The following MAP3K7 variants were observed in gnomAD, a reference collection of about 807,000 sequenced individuals.
MAP3K7 encodes the protein TGF-beta activated kinase 1.
MAP3K7 carries 21 observed loss-of-function variants against 84.8 expected under a neutral mutation model. That is an observed-to-expected ratio of 0.25 (90% CI 0.18 to 0.36). The LOEUF (loss-of-function observed/expected upper bound fraction) is 0.36, where lower values mean the gene tolerates loss of function less well. MAP3K7 is among the 10% of genes least tolerant of loss of function. The pLI is 1.00. For missense variants in MAP3K7, 503 were observed against 747.7 expected, an observed-to-expected ratio of 0.67 and a Z score of 3.82; for synonymous variants, 241 against 247.7, an observed-to-expected ratio of 0.97 and a Z score of 0.25.
intron 1 of MAP3K7, among the ~76,000 whole-genome samples, chr6:90,580,966 A>C (rs534557203): frequency 6.6e-6 from 1 of 152,326 alleles, no homozygotes; most frequent in Middle Eastern, 3.4e-3. Flanking sequence ...GTCTCATACA[A>C]TTAAGTAGAT....
At chr6:90,533,567 C>G (rs551626531) in intron 13 of MAP3K7, among the ~76,000 whole-genome samples, 2 of 152,290 alleles carry the variant, frequency 1.3e-5, no homozygotes, top group Admixed American at 1.3e-4. Flanking sequence ...GGTAAAGAAG[C>G]AGCAGTCACT....
intron 6 of MAP3K7, among the ~76,000 whole-genome samples, chr6:90,556,151 A>G (rs953317147): frequency 6.6e-6 from 1 of 152,264 alleles, no homozygotes; most frequent in Non-Finnish European, 1.5e-5. Context: ...TGCTCAGCGC[A>G]TGCACACTGT....
chr6:90,582,879 T>C (rs1777321641), intron 1 of MAP3K7, among the ~76,000 whole-genome samples: 1 of 148,234 alleles, frequency 6.7e-6, no homozygotes. Flanking sequence ...TCTTCTATCA[T>C]CTTTTTTTTT....
At chr6:90,526,153 A>G (rs1398495196) in intron 13 of MAP3K7, among the ~76,000 whole-genome samples, 1 of 152,274 alleles carries the variant, frequency 6.6e-6, no homozygotes, top group African/African-American at 2.4e-5. Flanking sequence ...CCACAGTAAT[A>G]TATTTTAATA....
At chr6:90,547,086 T>G (rs1776024801) in intron 11 of MAP3K7, among the ~76,000 whole-genome samples, 172 bp downstream of exon 11, 1 of 152,128 alleles carries the variant, frequency 6.6e-6, no homozygotes, top group Admixed American at 6.5e-5. Context: ...TATTTGGAAT[T>G]TGAGATAAAT....
rs779736807 is a variant in MAP3K7 at position 90,547,261 on chromosome 6, T to C, written c.1207A>G (p.Thr403Ala). The C allele has an allele frequency of 1.9e-6, 3 of 1,613,388 alleles. No individual in the cohort carries two copies. The highest frequency in any genetic ancestry group is 2.5e-6 in the Non-Finnish European group (3 of 1,179,654). ...SEIEARIAATTAYSKPKRGHR... is the reference protein window; with the variant it reads ...SEIEARIAATAAYSKPKRGHR... ...CAGACTTGTAGTTCCTTTTTACCTG[T>C]GGTTGCGGCGATCCTAGCTTCTATT... The change falls in exon 11 of 17, where the codon ACA becomes GCA. Residue 403 changes from threonine (T) to alanine (A), a missense_variant. Physicochemically the swap from Thr to Ala is moderately conservative, Grantham distance 58. Coordinates refer to ENST00000369329, the MANE Select transcript of MAP3K7 (RefSeq NM_145331.3).
rs535938524 is a variant in MAP3K7, at chr6:90,582,880, CT to C, written c.120+3883del. Among the ~76,000 whole-genome samples the C allele has an allele frequency of 3.9e-3, 503 of 129,138 alleles. 1 individual carries two copies. Among genetic ancestry groups the C allele is most frequent in the African/African-American group, 9.7e-3 (329 of 33,856 alleles). 84.7% of individuals were successfully genotyped at this position (129,138 alleles called of 152,430 possible). ...GGTAATCCTAGGATTCTTCTATCAT[CT>C]TTTTTTTTTTTTTTTTTTTGAGACA... On this transcript the variant is annotated intron_variant, in intron 1 of 16. Coordinates refer to ENST00000369329, the MANE Select transcript of MAP3K7 (RefSeq NM_145331.3).
intron 1 of MAP3K7, among the ~76,000 whole-genome samples, chr6:90,583,306 G>A (rs1023609653): frequency 6.6e-6 from 1 of 152,152 alleles, no homozygotes; most frequent in African/African-American, 2.4e-5. Flanking sequence ...ATTAGGTTTG[G>A]TTATAGAGTA....
intron 12 of MAP3K7, 81 bp downstream of exon 12, chr6:90,544,471 G>T: frequency 8.1e-7 from 1 of 1,237,390 alleles, no homozygotes; most frequent in African/African-American, 1.5e-5. Flanking sequence ...GTAAAAATTG[G>T]AGCAAGAAGC....
chr6:90,542,410 T>C, intron 12 of MAP3K7: 1 of 983,314 alleles, frequency 1.0e-6, no homozygotes, highest in Non-Finnish European at 1.2e-6. Context: ...TGAATAATAT[T>C]TTCATATGAA....
At chr6:90,554,569 T>C (rs1425648089) in intron 6 of MAP3K7, among the ~76,000 whole-genome samples, 1 of 152,188 alleles carries the variant, frequency 6.6e-6, no homozygotes, top group East Asian at 1.9e-4. Context: ...ACAACCATGC[T>C]ACAGTCTAAT....
At chr6:90,558,330 A>AAAT (rs767070190) in intron 5 of MAP3K7, among the ~76,000 whole-genome samples, 19 of 151,922 alleles carry the variant, frequency 1.3e-4, no homozygotes, top group South Asian at 2.1e-4. Flanking sequence ...TCAAAATAAA[A>AAAT]AATAATAATA....
intron 14 of MAP3K7, among the ~76,000 whole-genome samples, chr6:90,520,270 G>C (rs534792036): frequency 1.3e-5 from 2 of 152,086 alleles, no homozygotes; most frequent in Non-Finnish European, 2.9e-5. Context: ...GTGGATAAAG[G>C]CAAGTCAGGA....
At chr6:90,560,562 A>G (rs1159735914) in intron 4 of MAP3K7, among the ~76,000 whole-genome samples, 1 of 152,110 alleles carries the variant, frequency 6.6e-6, no homozygotes, top group Non-Finnish European at 1.5e-5. Context: ...GGGTATCACC[A>G]TGTTGGCCAG....
chr6:90,562,006 G>A (rs751830616), intron 3 of MAP3K7, among the ~76,000 whole-genome samples: 16 of 152,202 alleles, frequency 1.1e-4, no homozygotes, highest in African/African-American at 2.9e-4. Context: ...GAACTCTTCC[G>A]ATACAGTTTT....
chr6:90,527,316 G>A (rs1775351554), intron 13 of MAP3K7, among the ~76,000 whole-genome samples: 1 of 151,524 alleles, frequency 6.6e-6, no homozygotes, highest in Non-Finnish European at 1.5e-5. Flanking sequence ...AGGCTGGTGT[G>A]CAATGGCACC....
chr6:90,562,409 C>T (rs566087138), intron 3 of MAP3K7, among the ~76,000 whole-genome samples: 1 of 152,330 alleles, frequency 6.6e-6, no homozygotes, highest in East Asian at 1.9e-4. Context: ...TTAGCAAACA[C>T]CACACCAGGA....
intron 12 of MAP3K7, among the ~76,000 whole-genome samples, chr6:90,543,405 G>A (rs140165416): frequency 6.6e-6 from 1 of 152,068 alleles, no homozygotes; most frequent in African/African-American, 2.4e-5. Flanking sequence ...TCTCACCAGG[G>A]GAGATGCTCA....
At chr6:90,575,599 GA>G (rs1777047855) in intron 1 of MAP3K7, among the ~76,000 whole-genome samples, 2 of 152,102 alleles carry the variant, frequency 1.3e-5, no homozygotes, top group South Asian at 4.1e-4. Flanking sequence ...GAGAAGTAAG[GA>G]GTCTTCTGAT....
Sources: allele counts gnomAD v4.1 joint callset (sites outside exome capture counted in the v4.1 genomes callset), GRCh38; gene constraint gnomAD v4.1.1; transcripts MANE v1.5; gene names NCBI Gene and HGNC (gene_info 2026-07-23, HGNC 2026-07-21).